Variants in BLOC1S2 observed in about 807,000 individuals in gnomAD.
The protein encoded by BLOC1S2 is biogenesis of lysosome-related organelles complex 1 subunit 2.
A neutral mutation model predicts 19.6 loss-of-function variants in BLOC1S2; 12 were observed. The ratio of observed to expected loss-of-function variants is 0.61; its 90% CI spans 0.39 to 0.99. BLOC1S2 has a LOEUF of 0.99. Ranked by LOEUF, BLOC1S2 falls within the 50% of genes least tolerant of loss-of-function variation. The pLI is 0.00. For synonymous variants in BLOC1S2, 66 were observed against 64.1 expected (o/e 1.03, Z -0.14); for missense variants, 142 against 171.0 (o/e 0.83, Z 0.95).
chr10:100,282,950 C>T (rs953897585), intron 2 of BLOC1S2: 4 of 398,508 alleles, frequency 1.0e-5, no homozygotes, highest in Non-Finnish European at 1.8e-5. Flanking sequence ...GCACAGCGTC[C>T]AATCACACCA....
In BLOC1S2 at chr10:100,275,420, C is replaced by A; in HGVS notation, c.*42G>T. On this transcript the variant is annotated 3_prime_UTR_variant, in exon 5 of 5. Transcript: ENST00000370372. The stretch of plus-strand genomic sequence containing the variant: ...ATTCAGGTTTTATAAGACATTCTTC[C>A]ACATTAAAAAAAAAAGACTCTGTCC... 1 of 1,551,316 alleles carries A rather than the reference C, an allele frequency of 6.4e-7. No individual in the cohort carries two copies. The highest frequency in any genetic ancestry group is 1.2e-5 in the South Asian group (1 of 81,892).
chr10:100,280,040 A>G (rs1488741114), intron 4 of BLOC1S2, 84 bp downstream of exon 4: 12 of 1,032,786 alleles, frequency 1.2e-5, no homozygotes, highest in Non-Finnish European at 1.8e-5. Context: ...TAGGCACACC[A>G]TAAATGTTAA....
At chr10:100,277,998 G>A (rs1414995171) in intron 4 of BLOC1S2, among the ~76,000 whole-genome samples, 2 of 123,562 alleles carry the variant, frequency 1.6e-5, no homozygotes, top group African/African-American at 3.3e-5. Context: ...CGCCCTGTCC[G>A]GGAGGGAGGT....
At chr10:100,279,576 T>C (rs1848046750) in intron 4 of BLOC1S2, among the ~76,000 whole-genome samples, 1 of 150,958 alleles carries the variant, frequency 6.6e-6, no homozygotes, top group African/African-American at 2.4e-5. Context: ...CTACTAAAAG[T>C]ACAAAAAAAA....
At chr10:100,285,082 G>A (rs201759824) in intron 2 of BLOC1S2, among the ~76,000 whole-genome samples, 8 of 147,842 alleles carry the variant, frequency 5.4e-5, no homozygotes, top group African/African-American at 4.9e-5. Context: ...AACAGAAAAA[G>A]AAAAAAAAAA....
intron 1 of BLOC1S2, 163 bp downstream of exon 1, chr10:100,286,442 A>G: frequency 1.4e-6 from 2 of 1,474,416 alleles, no homozygotes; most frequent in Non-Finnish European, 1.8e-6. Flanking sequence ...TCCTGGCACC[A>G]TCCCAGTCAC....
Position 100,280,961 on chromosome 10 carries a change from T to C in BLOC1S2, c.265A>G (p.Arg89Gly). Reference sequence around the variant, plus strand: ...TTCTGGTTTAAGTCCTTTAAGTTCCTACTAATGTTTATAGCAATATCTTTC... The same window carrying C: ...TTCTGGTTTAAGTCCTTTAAGTTCCCACTAATGTTTATAGCAATATCTTTC... Reference protein sequence around the residue: ...EMKDIAINISRNLKDLNQKYA... With the variant: ...EMKDIAINISGNLKDLNQKYA... Residue 89 changes from arginine to glycine, a missense_variant, in exon 3 of 5, where the codon AGG becomes GGG. Coordinates refer to ENST00000370372, the MANE Select transcript of BLOC1S2 (RefSeq NM_173809.5). 6.2e-7 allele frequency: 1 copy of C among 1,612,720 alleles called. No homozygotes were observed. Among genetic ancestry groups the C allele is most frequent in the African/African-American group, 1.3e-5 (1 of 74,992 alleles).
At chr10:100,285,826 C>T (rs1388950364) in intron 2 of BLOC1S2, among the ~76,000 whole-genome samples, 5 of 152,194 alleles carry the variant, frequency 3.3e-5, no homozygotes, top group East Asian at 1.9e-4. Flanking sequence ...CCTTCACAAC[C>T]CTGCTCAAAA....
At chr10:100,278,731 G>A (rs1196515146) in intron 4 of BLOC1S2, among the ~76,000 whole-genome samples, 1 of 151,760 alleles carries the variant, frequency 6.6e-6, no homozygotes, top group Non-Finnish European at 1.5e-5. Flanking sequence ...TCACTTGTTT[G>A]TCTGCTGACC....
At position 100,277,645 on chromosome 10, in the gene BLOC1S2, A is replaced by G. The variant is rs868252840; in HGVS notation, c.398-2152T>C. Among the ~76,000 whole-genome samples the G allele has an allele frequency of 3.9e-3, 401 of 103,704 alleles. 9 individuals are homozygous for G. Among genetic ancestry groups the G allele is most frequent in the East Asian group, 0.019 (51 of 2,664 alleles). The allele number at this position is 103,704 out of a possible 152,430, so 68.0% of individuals were successfully genotyped here. On this transcript the variant is annotated intron_variant, in intron 4 of 4. Transcript: ENST00000370372. ...CCCTGCCCAGCCAGCCACCCCGTCC[A>G]GGAGGGAGGTGGGGGGCTCAGCCCC...
chr10:100,274,753 C>T lies in BLOC1S2; in HGVS notation c.*709G>A, dbSNP rs944852244. The T allele has an allele frequency of 1.3e-5, 5 of 390,908 alleles. No homozygotes were observed. Among genetic ancestry groups the T allele is most frequent in the Non-Finnish European group, 2.3e-5 (5 of 221,726 alleles). 24.2% of individuals were successfully genotyped at this position (390,908 alleles called of 1,614,324 possible). A position where few individuals can be genotyped will look rare whatever the true frequency, so the allele number is the denominator to read the frequency against. On this transcript the variant is annotated 3_prime_UTR_variant, in exon 5 of 5. Transcript: ENST00000370372. ...TGGCAATCGTCACCTCCCTACCCAACACATAAACACACATACCCATCTAGT... is the reference window on the plus strand; with the variant it reads ...TGGCAATCGTCACCTCCCTACCCAATACATAAACACACATACCCATCTAGT...
intron 4 of BLOC1S2, among the ~76,000 whole-genome samples, chr10:100,277,166 G>A (rs1270788518): frequency 1.3e-5 from 2 of 151,782 alleles, no homozygotes; most frequent in East Asian, 3.9e-4. Flanking sequence ...CCCCATCTGG[G>A]AGGTGAGGAG....
intron 2 of BLOC1S2, among the ~76,000 whole-genome samples, chr10:100,283,410 G>A (rs1399798518): frequency 6.6e-6 from 1 of 152,064 alleles, no homozygotes; most frequent in African/African-American, 2.4e-5. Context: ...TTAAACTACT[G>A]GCCTCAAGCA....
At chr10:100,283,940 A>T (rs757774588) in intron 2 of BLOC1S2, among the ~76,000 whole-genome samples, 5 of 152,238 alleles carry the variant, frequency 3.3e-5, no homozygotes, top group Non-Finnish European at 7.3e-5. Context: ...GATAACGTAA[A>T]TGAGTAAAGT....
In BLOC1S2 at chr10:100,275,061, T is replaced by A. The variant is rs1320151801; in HGVS notation, c.*401A>T. ...CTTGTTTACAACACATTAGCATCATTAACAGAAAAACGACCATTTACATAG... is the reference window on the plus strand; with the variant it reads ...CTTGTTTACAACACATTAGCATCATAAACAGAAAAACGACCATTTACATAG... On this transcript the variant is annotated 3_prime_UTR_variant, in exon 5 of 5. Coordinates refer to ENST00000370372, the MANE Select transcript of BLOC1S2 (RefSeq NM_173809.5). The A allele has an allele frequency of 2.5e-6, 1 of 399,932 alleles. No homozygotes were observed. Among genetic ancestry groups the A allele is most frequent in the African/African-American group, 2.1e-5 (1 of 48,626 alleles). The allele number at this position is 399,932 out of a possible 1,614,324, so 24.8% of individuals were successfully genotyped here.
At chr10:100,277,750 T>G (rs1438779943) in intron 4 of BLOC1S2, among the ~76,000 whole-genome samples, 8 of 85,100 alleles carry the variant, frequency 9.4e-5, no homozygotes, top group East Asian at 3.7e-4. Context: ...GTCCGGGAGG[T>G]GAGGGGCGCC....
At chr10:100,286,399 C>CCGCCCCTCGCCCATACCCGG (rs1848241369) in intron 1 of BLOC1S2, 186 bp from the exon 2 acceptor site, 73 of 1,457,596 alleles carry the variant, frequency 5.0e-5, no homozygotes, top group Non-Finnish European at 6.5e-5. Flanking sequence ...CTCCCTCGCA[C>CCGCCCCTCGCCCATACCCGG]CGCCCCTCGC....
intron 1 of BLOC1S2, 30 bp from the exon 2 acceptor site, chr10:100,286,243 C>G (rs1197765199): frequency 6.2e-7 from 1 of 1,608,324 alleles, no homozygotes; most frequent in Non-Finnish European, 8.5e-7. Flanking sequence ...CTAAGTGTCC[C>G]GCCTACACCC....
Position 100,274,909 on chromosome 10 carries a change from C to T in BLOC1S2, c.*553G>A. 1 of 398,496 alleles carries T rather than the reference C, an allele frequency of 2.5e-6. No individual in the cohort carries two copies. Among genetic ancestry groups the T allele is most frequent in the South Asian group, 1.3e-4 (1 of 7,854 alleles). 24.7% of individuals were successfully genotyped at this position (398,496 alleles called of 1,614,324 possible). A position where few individuals can be genotyped will look rare whatever the true frequency, so the allele number is the denominator to read the frequency against. On this transcript the variant is annotated 3_prime_UTR_variant, in exon 5 of 5. Transcript: ENST00000370372. ...CACCATTTCTGCTCAATCTAGAAGA[C>T]TCAGCTTGGAATTATTTTAAGATTT...
Sources: allele counts gnomAD v4.1 joint callset (sites outside exome capture counted in the v4.1 genomes callset), GRCh38; gene constraint gnomAD v4.1.1; transcripts MANE v1.5; gene names NCBI Gene and HGNC (gene_info 2026-07-23, HGNC 2026-07-21).